Variants in PRIM1 observed in about 807,000 individuals in gnomAD.
PRIM1 encodes DNA primase subunit 1.
A neutral mutation model predicts 60.2 loss-of-function variants in PRIM1; 38 were observed. That is an observed-to-expected ratio of 0.63 (90% confidence interval 0.49 to 0.83). The LOEUF (loss-of-function observed/expected upper bound fraction) is 0.83. Among genes scored for constraint, PRIM1 ranks in the 40% least tolerant of loss-of-function variants. The probability of loss-of-function intolerance (pLI) is 0.00; values close to 1 mark genes in which losing one functional copy is unlikely to be tolerated. For synonymous variants in PRIM1, 158 were observed against 160.2 expected (o/e 0.99, Z 0.10); for missense variants, 388 against 506.2 (o/e 0.77, Z 2.24).
At chr12:56,744,037 A>G (rs746115565) in intron 6 of PRIM1, 28 bp downstream of exon 6, 1 of 1,512,438 alleles carries the variant, frequency 6.6e-7, no homozygotes, top group Non-Finnish European at 9.0e-7. Context: ...CAGACACCTT[A>G]AAGTGCTTGG....
At chr12:56,751,430 T>TG in intron 1 of PRIM1, 1 of 309,724 alleles carries the variant, frequency 3.2e-6, no homozygotes, top group Non-Finnish European at 6.0e-6. Context: ...ACTACAGGCA[T>TG]GCGACCCACC....
chr12:56,742,003 A>C (rs1184673030), intron 7 of PRIM1, 166 bp from the exon 8 acceptor site: 10 of 688,908 alleles, frequency 1.5e-5, no homozygotes, highest in Non-Finnish European at 2.2e-5. Flanking sequence ...CTGTACTCCC[A>C]GCACTTTGGG....
At chr12:56,749,360 G>A (rs1214499399) in intron 2 of PRIM1, among the ~76,000 whole-genome samples, 6 of 152,130 alleles carry the variant, frequency 3.9e-5, no homozygotes, top group African/African-American at 1.4e-4. Context: ...TGTAAACCAT[G>A]TGCATACATA....
intron 8 of PRIM1, 62 bp downstream of exon 8, chr12:56,741,684 G>C: frequency 1.3e-6 from 2 of 1,585,268 alleles, no homozygotes; most frequent in Admixed American, 3.5e-5. Flanking sequence ...ACTAGGCAAA[G>C]CAATCAATTT....
chr12:56,732,061 T>TA (rs1412040758), intron 12 of PRIM1, among the ~76,000 whole-genome samples: 1 of 152,228 alleles, frequency 6.6e-6, no homozygotes, highest in Non-Finnish European at 1.5e-5. Flanking sequence ...CATATTTAAA[T>TA]AAAAAATGAA....
At chr12:56,738,662 C>T (rs756015086) in intron 10 of PRIM1, 137 bp from the exon 11 acceptor site, 1 of 819,730 alleles carries the variant, frequency 1.2e-6, no homozygotes, top group Non-Finnish European at 1.8e-6. Context: ...AGTGATTCTT[C>T]TGCCTCAGCC....
chr12:56,736,297 C>CCA (rs1953828957), intron 11 of PRIM1, among the ~76,000 whole-genome samples: 1 of 6,668 alleles, frequency 1.5e-4, no homozygotes, highest in African/African-American at 2.6e-3. Flanking sequence ...GACTCTTTCT[C>CCA]TAAAAAAAAA....
At chr12:56,734,298 A>G (rs1338466019) in intron 11 of PRIM1, 53 bp from the exon 12 acceptor site, 38 of 1,132,720 alleles carry the variant, frequency 3.4e-5, no homozygotes, top group Non-Finnish European at 4.8e-5. Flanking sequence ...CAAGAATAAC[A>G]TGAAAACACA....
In PRIM1 at chr12:56,741,590, C is replaced by A. The variant is rs750677819; in HGVS notation, c.841-14G>T. 20 of 1,605,762 alleles carry A rather than the reference C, an allele frequency of 1.2e-5. No individual in the cohort carries two copies. The highest frequency in any genetic ancestry group is 1.6e-5 in the Non-Finnish European group (19 of 1,177,614). ...TTTGATGTTATTCTAAAAGCAGATA[C>A]AAGGCCAACATGAGGATCAGTAGGA... On this transcript the variant is annotated splice_polypyrimidine_tract_variant and intron_variant, in intron 8 of 12. Transcript: ENST00000338193.
rs1037794401 is a variant in PRIM1, at chr12:56,751,992, T to A, written c.103+204A>T. On this transcript the variant is annotated intron_variant, in intron 1 of 12. Coordinates refer to ENST00000338193, the MANE Select transcript of PRIM1 (RefSeq NM_000946.3). ...TTTTTTTTTTTTTTTTTTTTTTTTT[T>A]ACAGCGTGGCCGCAGGCTGGCTTAT... Among the ~76,000 whole-genome samples, 379 of 111,104 alleles carry A rather than the reference T, an allele frequency of 3.4e-3. 3 individuals are homozygous for A. The highest frequency in any genetic ancestry group is 0.013 in the African/African-American group (353 of 27,752). 72.9% of individuals were successfully genotyped at this position (111,104 alleles called of 152,430 possible). A position where few individuals can be genotyped will look rare whatever the true frequency, so the allele number is the denominator to read the frequency against.
intron 9 of PRIM1, among the ~76,000 whole-genome samples, chr12:56,739,780 C>T (rs528599733): frequency 6.6e-6 from 1 of 152,268 alleles, no homozygotes; most frequent in East Asian, 1.9e-4. Context: ...ATCCTCTTGC[C>T]TCAGCCTCCT....
In PRIM1 at chr12:56,741,430, A is replaced by G; in HGVS notation, c.982+5T>C. ...TTAGTTTTCCTTAGTTTCCTTGTGT[A>G]GTACCTGTTTTAGGATGAACACTAA... On this transcript the variant is annotated splice_donor_5th_base_variant and intron_variant, in intron 9 of 12. Transcript: ENST00000338193. The G allele has an allele frequency of 6.2e-7, 1 of 1,604,128 alleles. No individual in the cohort carries two copies. The highest frequency in any genetic ancestry group is 8.5e-7 in the Non-Finnish European group (1 of 1,177,480).
Position 56,741,662 on chromosome 12 carries a change from C to T in PRIM1, c.840+84G>A, listed in dbSNP as rs915650033. 11 of 1,573,858 alleles carry T rather than the reference C, an allele frequency of 7.0e-6. No homozygotes were observed. In the African/African-American group the frequency reaches 1.4e-4, roughly 20 times the overall value. Reference sequence around the variant, plus strand: ...GAAAGTTAAAAAAACGATCTTCAACCATCTTTAACTGACTAGGCAAAGCAA... The same window carrying T: ...GAAAGTTAAAAAAACGATCTTCAACTATCTTTAACTGACTAGGCAAAGCAA... On this transcript the variant is annotated intron_variant, in intron 8 of 12. Transcript: ENST00000338193.
chr12:56,739,158 C>G (rs549262347), intron 10 of PRIM1, 136 bp downstream of exon 10: 16 of 557,838 alleles, frequency 2.9e-5, no homozygotes, highest in Non-Finnish European at 4.3e-5. Context: ...CGTCATCTAA[C>G]CTTTGAACCT....
intron 11 of PRIM1, among the ~76,000 whole-genome samples, chr12:56,736,014 T>C (rs1394164988): frequency 2.0e-5 from 3 of 151,688 alleles, no homozygotes; most frequent in Admixed American, 6.6e-5. Flanking sequence ...AAATTTAATA[T>C]AGGCAGGGTG....
chr12:56,745,981 A>T, intron 5 of PRIM1, 64 bp downstream of exon 5: 2 of 1,470,082 alleles, frequency 1.4e-6, no homozygotes, highest in Admixed American at 2.4e-5. Flanking sequence ...TTGACAGTAA[A>T]CATATCAGGC....
Position 56,746,822 on chromosome 12 carries a change from A to G in PRIM1, c.401T>C (p.Leu134Pro), listed in dbSNP as rs749770443. ...AATGATGCGTATGGCCATTGTCATGAGGGTCCAGCACTTAGGACATATGTC... is the reference window on the plus strand; with the variant it reads ...AATGATGCGTATGGCCATTGTCATGGGGGTCCAGCACTTAGGACATATGTC... ...SADICPKCWT[L>P]MTMAIRIIDR... The change falls in exon 4 of 13, where the codon CTC (leucine) becomes CCC (proline). Residue 134 changes from leucine to proline, a missense_variant. This residue lies in a region of PRIM1 where 156 missense variants were observed against 175.8 expected (regional missense o/e 0.89). Transcript: ENST00000338193. The G allele has an allele frequency of 1.2e-6, 2 of 1,613,982 alleles. No homozygotes were observed. Among genetic ancestry groups the G allele is most frequent in the Non-Finnish European group, 1.7e-6 (2 of 1,179,876 alleles).
intron 1 of PRIM1, 137 bp from the exon 2 acceptor site, chr12:56,751,332 T>C: frequency 1.7e-6 from 1 of 581,936 alleles, no homozygotes; most frequent in Non-Finnish European, 2.8e-6. Context: ...CAGACTGGAG[T>C]GCAGTGGCTC....
intron 10 of PRIM1, among the ~76,000 whole-genome samples, chr12:56,738,744 G>A (rs544061579): frequency 6.6e-6 from 1 of 152,252 alleles, no homozygotes; most frequent in Admixed American, 6.5e-5. Context: ...TAGAGACAGG[G>A]TTTCACCATG....
Sources: allele counts gnomAD v4.1 joint callset (sites outside exome capture counted in the v4.1 genomes callset), GRCh38; gene constraint gnomAD v4.1.1; regional missense constraint gnomAD v4.1.1; transcripts MANE v1.5; gene names NCBI Gene and HGNC (gene_info 2026-07-23, HGNC 2026-07-21).